KBTBD12: variants seen among roughly 807,000 people sequenced by gnomAD.
KBTBD12 encodes the protein kelch repeat and BTB domain containing 12, also known as kelch repeat and BTB domain-containing protein 12.
KBTBD12 carries 53 observed loss-of-function variants against 58.7 expected under a neutral mutation model. That is an observed-to-expected ratio of 0.90 (90% CI 0.72 to 1.14). The LOEUF (loss-of-function observed/expected upper bound fraction) is 1.14, where lower values mean the gene tolerates loss of function less well. KBTBD12 is among the 50% of genes most tolerant of loss of function. The probability of loss-of-function intolerance (pLI) is 0.00; values close to 1 mark genes in which losing one functional copy is unlikely to be tolerated. For synonymous variants in KBTBD12, 236 were observed against 259.8 expected, an observed-to-expected ratio of 0.91 and a Z score of 0.88; for missense variants, 704 against 751.3, an observed-to-expected ratio of 0.94 and a Z score of 0.74.
intron 5 of KBTBD12, chr3:127,963,631 C>T (rs1940498884): frequency 5.1e-6 from 2 of 390,704 alleles, no homozygotes; most frequent in South Asian, 8.5e-5. Context: ...CCACCCTGAA[C>T]ACACCTGGTC....
chr3:127,963,751 T>C (rs1308232868), intron 5 of KBTBD12: 1 of 168,644 alleles, frequency 5.9e-6, no homozygotes, highest in Admixed American at 5.9e-5. Flanking sequence ...ACACTCACTA[T>C]ATAGTAGTTG....
At chr3:127,958,731 G>T (rs1940370016) in intron 4 of KBTBD12, among the ~76,000 whole-genome samples, 1 of 152,292 alleles carries the variant, frequency 6.6e-6, no homozygotes, top group Non-Finnish European at 1.5e-5. Flanking sequence ...TCCCCTTGAA[G>T]CTCTTTTATT....
At position 127,984,189 on chromosome 3, in the gene KBTBD12, A is replaced by G. The variant is rs1304371172; in HGVS notation, c.1783A>G (p.Ser595Gly). 3 of 1,613,806 alleles carry G rather than the reference A, an allele frequency of 1.9e-6. No individual in the cohort carries two copies. The highest frequency in any genetic ancestry group is 2.5e-6 in the Non-Finnish European group (3 of 1,179,794). ...AGCCATCAACGTCCTCATGCATGACAGCTATGATGTCTGCCTAGTAGCCAG... is the reference window on the plus strand; with the variant it reads ...AGCCATCAACGTCCTCATGCATGACGGCTATGATGTCTGCCTAGTAGCCAG... The part of the protein sequence containing the change: ...VVAINVLMHD[S>G]YDVCLVARMN... The change falls in exon 6 of 6, where the codon AGC becomes GGC. Residue 595 changes from serine (S) to glycine (G), a missense_variant. Ser to Gly is a moderately conservative substitution (Grantham distance 56). Transcript: ENST00000405109.
intron 4 of KBTBD12, among the ~76,000 whole-genome samples, chr3:127,944,773 C>T (rs1183892324): frequency 2.0e-5 from 3 of 152,132 alleles, no homozygotes; most frequent in Non-Finnish European, 2.9e-5. Context: ...TTTGAGGTTC[C>T]CCCCACTGAT....
At chr3:127,949,493 C>A (rs948483361) in intron 4 of KBTBD12, among the ~76,000 whole-genome samples, 10 of 152,136 alleles carry the variant, frequency 6.6e-5, no homozygotes, top group Non-Finnish European at 1.3e-4. Context: ...GGACCAGACA[C>A]CTCAATTCTA....
intron 1 of KBTBD12, among the ~76,000 whole-genome samples, chr3:127,918,726 G>T (rs961209167): frequency 4.1e-5 from 6 of 146,164 alleles, no homozygotes; most frequent in African/African-American, 1.5e-4. Flanking sequence ...AAAAAAAAAA[G>T]AAAAAGAAAA....
intron 4 of KBTBD12, among the ~76,000 whole-genome samples, chr3:127,962,896 C>T (rs759750702): frequency 2.6e-5 from 4 of 152,172 alleles, no homozygotes; most frequent in Non-Finnish European, 5.9e-5. Context: ...AAAGGGGATG[C>T]TCATGATGTG....
At chr3:127,938,590 A>C (rs538771467) in intron 4 of KBTBD12, among the ~76,000 whole-genome samples, 3 of 152,230 alleles carry the variant, frequency 2.0e-5, no homozygotes, top group Non-Finnish European at 2.9e-5. Context: ...CAATTATATT[A>C]AATGGAAATG....
chr3:127,941,736 G>T (rs980854212), intron 4 of KBTBD12, among the ~76,000 whole-genome samples: 3 of 152,046 alleles, frequency 2.0e-5, no homozygotes, highest in African/African-American at 7.2e-5. Flanking sequence ...AGTAGCTGGG[G>T]TTACAGGCAC....
chr3:127,969,104 A>G (rs1483807637), intron 5 of KBTBD12, among the ~76,000 whole-genome samples: 3 of 152,328 alleles, frequency 2.0e-5, no homozygotes, highest in African/African-American at 7.2e-5. Flanking sequence ...TTATGAAAGA[A>G]AAAGAAATAT....
intron 4 of KBTBD12, among the ~76,000 whole-genome samples, chr3:127,949,615 A>T (rs1032615091): frequency 5.9e-5 from 9 of 152,344 alleles, no homozygotes; most frequent in African/African-American, 2.2e-4. Context: ...TGCCCTAAAT[A>T]TAGCTCTTGA....
At chr3:127,978,133 T>A (rs1940816904) in intron 5 of KBTBD12, among the ~76,000 whole-genome samples, 1 of 152,142 alleles carries the variant, frequency 6.6e-6, no homozygotes, top group Non-Finnish European at 1.5e-5. Flanking sequence ...AATCAGATGG[T>A]TGTAGGTGTG....
chr3:127,922,924 G>A (rs1357058214), intron 1 of KBTBD12, 26 bp from the exon 2 acceptor site: 4 of 581,462 alleles, frequency 6.9e-6, no homozygotes, highest in African/African-American at 1.9e-5. Context: ...TTCTTAGAAG[G>A]AAACTGCCTT....
At chr3:127,978,468 T>G (rs1367587388) in intron 5 of KBTBD12, among the ~76,000 whole-genome samples, 1 of 152,188 alleles carries the variant, frequency 6.6e-6, no homozygotes, top group Non-Finnish European at 1.5e-5. Flanking sequence ...TTTTTTCCCT[T>G]GATATTTCCT....
intron 4 of KBTBD12, among the ~76,000 whole-genome samples, chr3:127,935,550 C>A (rs2107596076): frequency 6.6e-6 from 1 of 152,062 alleles, no homozygotes; most frequent in South Asian, 2.1e-4. Flanking sequence ...CACTTGAGCC[C>A]AAGAGTTCAA....
chr3:127,978,075 G>C (rs929585900), intron 5 of KBTBD12, among the ~76,000 whole-genome samples: 4 of 152,124 alleles, frequency 2.6e-5, no homozygotes, highest in Admixed American at 6.6e-5. Context: ...ACCATTTATT[G>C]AATAGAGAGT....
At chr3:127,957,202 C>A (rs1472093972) in intron 4 of KBTBD12, among the ~76,000 whole-genome samples, 1 of 152,144 alleles carries the variant, frequency 6.6e-6, no homozygotes. Flanking sequence ...CTATCATTTT[C>A]TGTAAATCAT....
At chr3:127,960,965 T>C (rs530671400) in intron 4 of KBTBD12, among the ~76,000 whole-genome samples, 1 of 152,310 alleles carries the variant, frequency 6.6e-6, no homozygotes, top group Non-Finnish European at 1.5e-5. Flanking sequence ...TCTAATGGGC[T>C]TTTATGTGAA....
intron 4 of KBTBD12, among the ~76,000 whole-genome samples, chr3:127,941,756 C>T (rs541563865): frequency 2.6e-5 from 4 of 152,208 alleles, no homozygotes; most frequent in South Asian, 4.2e-4. Context: ...CCTGCCATCA[C>T]GCCCAGCTCA....
Sources: gnomAD v4.1 joint callset for allele counts (sites outside exome capture counted in the v4.1 genomes callset) on GRCh38, gnomAD v4.1.1 for gene constraint, MANE v1.5 for transcripts, NCBI Gene and HGNC (gene_info 2026-07-23, HGNC 2026-07-21) for gene names.